AFF3: variants seen among roughly 807,000 people sequenced by gnomAD.
AFF3 encodes the protein ALF transcription elongation factor 3, also known as AF4/FMR2 family member 3.
Under a neutral mutation model 129.7 loss-of-function variants are expected in AFF3, and 32 were observed. The ratio of observed to expected loss-of-function variants is 0.25; its 90% CI spans 0.19 to 0.33. AFF3 has a LOEUF of 0.33. AFF3 is among the 10% of genes least tolerant of loss of function. The pLI is 1.00. For missense variants in AFF3, 1,373 were observed against 1,592.0 expected (o/e 0.86, Z 2.34); for synonymous variants, 644 against 635.4 (o/e 1.01, Z -0.20).
At chr2:99,720,038 A>AAAAT (rs759616712) in intron 11 of AFF3, among the ~76,000 whole-genome samples, 3 of 152,254 alleles carry the variant, frequency 2.0e-5, no homozygotes, top group Non-Finnish European at 4.4e-5. Flanking sequence ...CTCCGTATCA[A>AAAAT]AAATAAATAA....
chr2:99,780,678 G>A (rs2105376467), intron 8 of AFF3, among the ~76,000 whole-genome samples: 1 of 152,250 alleles, frequency 6.6e-6, no homozygotes, highest in Admixed American at 6.5e-5. Context: ...CCCCATCTTA[G>A]TGAATGGCAA....
intron 13 of AFF3, among the ~76,000 whole-genome samples, chr2:99,605,843 C>T (rs925779645): frequency 2.7e-5 from 4 of 148,172 alleles, no homozygotes; most frequent in Non-Finnish European, 4.5e-5. Flanking sequence ...CCACCATACC[C>T]GGCTAATTTT....
At chr2:99,599,588 A>G (rs1230806783) in intron 14 of AFF3, among the ~76,000 whole-genome samples, 2 of 152,196 alleles carry the variant, frequency 1.3e-5, no homozygotes, top group East Asian at 3.9e-4. Flanking sequence ...GTTCCAGCCA[A>G]CACAGGAGCT....
intron 7 of AFF3, among the ~76,000 whole-genome samples, chr2:99,971,091 C>A (rs1230030162): frequency 6.6e-6 from 1 of 152,170 alleles, no homozygotes; most frequent in Admixed American, 6.5e-5. Flanking sequence ...CTAAATAACT[C>A]TTTTTATTAA....
Position 100,051,638 on chromosome 2 carries a change from T to C in AFF3, c.54-42706A>G, listed in dbSNP as rs1047384923. Among the ~76,000 whole-genome samples the C allele has an allele frequency of 3.0e-4, 46 of 152,316 alleles. 1 individual carries two copies. The highest frequency in any genetic ancestry group is 3.4e-3 in the Middle Eastern group (1 of 294). ...TCACATTTCTTATCTACTGTTAATATAGAGTTTAAATTAAAACTCAGGGGG... is the reference window on the plus strand; with the variant it reads ...TCACATTTCTTATCTACTGTTAATACAGAGTTTAAATTAAAACTCAGGGGG... On this transcript the variant is annotated intron_variant, in intron 4 of 24. Coordinates refer to ENST00000672756, the MANE Select transcript of AFF3 (RefSeq NM_001386135.1).
intron 2 of AFF3, chr2:100,107,112 G>A (rs1402131505): frequency 2.0e-6 from 2 of 985,316 alleles, no homozygotes; most frequent in Non-Finnish European, 2.4e-6. Context: ...TAGTTGGATT[G>A]ATTATTTCCA....
chr2:99,641,778 G>C (rs745754278), intron 13 of AFF3, among the ~76,000 whole-genome samples: 23 of 152,178 alleles, frequency 1.5e-4, no homozygotes, highest in Admixed American at 7.9e-4. Context: ...CTCACCAAGA[G>C]AGTCGTCGCG....
intron 8 of AFF3, among the ~76,000 whole-genome samples, chr2:99,781,586 C>T (rs10198310): frequency 0.75 from 114,269 of 152,134 alleles, 44,586 homozygotes; most frequent in South Asian, 0.92. Flanking sequence ...TTCTGTGCTA[C>T]AGAAGCATAA....
At chr2:99,745,139 G>C (rs559128996) in intron 9 of AFF3, among the ~76,000 whole-genome samples, 2 of 152,256 alleles carry the variant, frequency 1.3e-5, no homozygotes, top group Non-Finnish European at 2.9e-5. Context: ...ATGATGTTGA[G>C]CATCTTTTCA....
intron 13 of AFF3, among the ~76,000 whole-genome samples, chr2:99,609,227 A>G (rs11900988): frequency 0.54 from 82,676 of 151,786 alleles, 22,722 homozygotes; most frequent in African/African-American, 0.62. Flanking sequence ...TGTTTTTTTA[A>G]TTTTTTATTT....
intron 4 of AFF3, among the ~76,000 whole-genome samples, chr2:100,067,099 A>G (rs957913505): frequency 9.9e-5 from 15 of 151,498 alleles, no homozygotes; most frequent in African/African-American, 3.6e-4. Flanking sequence ...GTGGACTTGT[A>G]TCTTCATCTA....
chr2:100,040,031 A>G (rs1685291816), intron 4 of AFF3, among the ~76,000 whole-genome samples: 1 of 152,188 alleles, frequency 6.6e-6, no homozygotes, highest in Non-Finnish European at 1.5e-5. Flanking sequence ...TCAGCCTTGC[A>G]ATCATCTGCC....
At chr2:99,868,043 A>C (rs1691578549) in intron 7 of AFF3, among the ~76,000 whole-genome samples, 2 of 138,278 alleles carry the variant, frequency 1.4e-5, no homozygotes, top group East Asian at 2.1e-4. Flanking sequence ...AGGTCCTTTG[A>C]CGGCAGCTCG....
chr2:99,576,039 AT>A (rs528574305), intron 18 of AFF3, among the ~76,000 whole-genome samples: 2,440 of 145,236 alleles, frequency 0.017, 21 homozygotes, highest in Middle Eastern at 0.068. Flanking sequence ...GTGAGACATG[AT>A]TTTTTTTTTT....
chr2:99,694,823 C>G (rs932407068), intron 11 of AFF3, among the ~76,000 whole-genome samples: 2 of 152,128 alleles, frequency 1.3e-5, no homozygotes, highest in African/African-American at 4.8e-5. Flanking sequence ...TCTCCTGACT[C>G]AGCCTCCTAA....
rs371809001 is a variant in AFF3 at position 99,866,808 on chromosome 2, A to G, written c.874-29284T>C. ...CCTGGCCAACATGGTGAAACCCTAT[A>G]TCTACTAAAAATACAAAATTAGCTG... On this transcript the variant is annotated intron_variant, in intron 7 of 24. Transcript: ENST00000672756. Among the ~76,000 whole-genome samples the G allele has an allele frequency of 4.4e-4, 67 of 151,514 alleles. No individual in the cohort carries two copies. The South Asian group carries it at 0.013, about 30-fold the overall frequency.
chr2:99,655,031 G>A (rs80121510), intron 12 of AFF3, among the ~76,000 whole-genome samples: 2,590 of 152,252 alleles, frequency 0.017, 32 homozygotes, highest in Middle Eastern at 0.037. Context: ...AATTCAGAGG[G>A]CTCTCAGAAT....
intron 4 of AFF3, among the ~76,000 whole-genome samples, chr2:100,068,921 AT>A (rs908476990): frequency 6.6e-6 from 1 of 151,976 alleles, no homozygotes; most frequent in African/African-American, 2.4e-5. Flanking sequence ...CACTTTGGGT[AT>A]TTTTTTCTCC....
intron 2 of AFF3, among the ~76,000 whole-genome samples, chr2:100,119,348 C>T (rs1691860465): frequency 1.3e-5 from 2 of 152,178 alleles, no homozygotes; most frequent in Non-Finnish European, 2.9e-5. Flanking sequence ...TAGAGATTAT[C>T]CACTCTTCAG....
Sources: gnomAD v4.1 joint callset for allele counts (sites outside exome capture counted in the v4.1 genomes callset) on GRCh38, gnomAD v4.1.1 for gene constraint, MANE v1.5 for transcripts, NCBI Gene and HGNC (gene_info 2026-07-23, HGNC 2026-07-21) for gene names.